Variants in TAFA1 observed in about 807,000 individuals in gnomAD.
TAFA1 encodes chemokine-like protein TAFA-1.
A neutral mutation model predicts 18.5 loss-of-function variants in TAFA1; 4 were observed. The ratio of observed to expected loss-of-function variants is 0.22; its 90% CI spans 0.11 to 0.49. The LOEUF is 0.49. Among genes scored for constraint, TAFA1 ranks in the 20% least tolerant of loss-of-function variants. TAFA1 has a pLI of 0.98. For synonymous variants in TAFA1, 56 were observed against 55.2 expected, an observed-to-expected ratio of 1.01 and a Z score of -0.06; for missense variants, 147 against 169.0, an observed-to-expected ratio of 0.87 and a Z score of 0.72.
At chr3:68,532,025 C>T (rs2073194927) in intron 3 of TAFA1, among the ~76,000 whole-genome samples, 1 of 152,002 alleles carries the variant, frequency 6.6e-6, no homozygotes, top group African/African-American at 2.4e-5. Flanking sequence ...TTTTCTTATG[C>T]AGGGTTGAGG....
intron 2 of TAFA1, among the ~76,000 whole-genome samples, chr3:68,126,933 G>C (rs1033843296): frequency 1.3e-5 from 2 of 152,192 alleles, no homozygotes; most frequent in Non-Finnish European, 2.9e-5. Flanking sequence ...ATCTTTTCTA[G>C]AGGAAAAGAC....
rs1266366001 is a variant in TAFA1, at chr3:68,188,520, T to TAGAG, written c.118+181777_118+181778insGAGA. On this transcript the variant is annotated intron_variant, in intron 2 of 4. Coordinates refer to ENST00000478136, the MANE Select transcript of TAFA1 (RefSeq NM_213609.4). ...GTGTATATATATTTATATATATATA[T>TAGAG]ATAGAGAGAGAGAGAGAGAGAGTAC... 8.1e-4 allele frequency among the ~76,000 whole-genome samples: 119 copies of TAGAG among 146,530 alleles called. 2 individuals carry two copies. In the East Asian group the frequency reaches 8.8e-3, roughly 11 times the overall value.
chr3:68,025,426 A>C (rs1198365351), intron 2 of TAFA1, among the ~76,000 whole-genome samples: 2 of 152,104 alleles, frequency 1.3e-5, no homozygotes. Context: ...TCTACAATCT[A>C]TATTTTTCAC....
chr3:68,224,375 G>A (rs959575999), intron 2 of TAFA1, among the ~76,000 whole-genome samples: 3 of 151,986 alleles, frequency 2.0e-5, no homozygotes, highest in Admixed American at 2.0e-4. Flanking sequence ...TAGGGCCCAG[G>A]CTCAGACAGA....
chr3:68,317,960 C>T (rs958026558), intron 2 of TAFA1, among the ~76,000 whole-genome samples: 9 of 152,138 alleles, frequency 5.9e-5, no homozygotes, highest in African/African-American at 2.2e-4. Flanking sequence ...CAACGCTTTG[C>T]AATGTGTTTG....
intron 2 of TAFA1, among the ~76,000 whole-genome samples, chr3:68,115,995 G>A (rs191149889): frequency 5.9e-5 from 9 of 152,242 alleles, no homozygotes; most frequent in Admixed American, 2.0e-4. Flanking sequence ...GGTGGCTCAC[G>A]CCTGTAATCC....
chr3:68,411,979 C>G (rs984013401), intron 2 of TAFA1, among the ~76,000 whole-genome samples: 2 of 152,054 alleles, frequency 1.3e-5, no homozygotes, highest in African/African-American at 4.8e-5. Flanking sequence ...CCACCAAGAC[C>G]TATTTCTGGG....
At chr3:68,163,184 AAT>A (rs1355504628) in intron 2 of TAFA1, among the ~76,000 whole-genome samples, 1 of 152,238 alleles carries the variant, frequency 6.6e-6, no homozygotes, top group Non-Finnish European at 1.5e-5. Flanking sequence ...TCTACATATT[AAT>A]CATCCTTTTC....
At chr3:68,316,543 G>A (rs1017872259) in intron 2 of TAFA1, among the ~76,000 whole-genome samples, 1 of 151,782 alleles carries the variant, frequency 6.6e-6, no homozygotes, top group Admixed American at 6.6e-5. Context: ...CTTTTTTCTT[G>A]GCATCTCCTT....
chr3:68,416,785 T>C (rs1458165871), intron 2 of TAFA1, among the ~76,000 whole-genome samples: 2 of 152,198 alleles, frequency 1.3e-5, no homozygotes, highest in Admixed American at 6.5e-5. Context: ...TTGGGAAATA[T>C]GTCCCGAATA....
intron 2 of TAFA1, among the ~76,000 whole-genome samples, chr3:68,306,531 T>G (rs2068425912): frequency 6.6e-6 from 1 of 152,240 alleles, no homozygotes; most frequent in Admixed American, 6.5e-5. Flanking sequence ...TGTTTAAATT[T>G]ACATGCTGTC....
At chr3:68,277,881 T>C (rs1182214195) in intron 2 of TAFA1, among the ~76,000 whole-genome samples, 2 of 152,194 alleles carry the variant, frequency 1.3e-5, no homozygotes, top group South Asian at 2.1e-4. Context: ...TCAATACATT[T>C]AGCCATAAGT....
chr3:68,348,078 A>G (rs1314220854), intron 2 of TAFA1, among the ~76,000 whole-genome samples: 2 of 151,844 alleles, frequency 1.3e-5, no homozygotes, highest in Admixed American at 6.6e-5. Flanking sequence ...TAAAGCAGAC[A>G]CTCCTCAAGG....
At chr3:68,513,605 A>G (rs2072880409) in intron 3 of TAFA1, among the ~76,000 whole-genome samples, 1 of 152,132 alleles carries the variant, frequency 6.6e-6, no homozygotes, top group Non-Finnish European at 1.5e-5. Context: ...TGATGCATTC[A>G]AATAAGTCCC....
At chr3:68,414,303 A>G (rs770796707) in intron 2 of TAFA1, among the ~76,000 whole-genome samples, 7 of 152,128 alleles carry the variant, frequency 4.6e-5, no homozygotes, top group Admixed American at 2.0e-4. Flanking sequence ...GCGAAACGCC[A>G]TATCAAAACA....
intron 2 of TAFA1, among the ~76,000 whole-genome samples, chr3:68,152,910 T>C (rs1273888759): frequency 6.6e-6 from 1 of 152,054 alleles, no homozygotes; most frequent in East Asian, 1.9e-4. Context: ...CAAACTTGAA[T>C]CTTTTCCAAA....
chr3:68,466,306 C>G (rs777224761), intron 3 of TAFA1, among the ~76,000 whole-genome samples: 4 of 152,082 alleles, frequency 2.6e-5, no homozygotes, highest in Admixed American at 6.6e-5. Flanking sequence ...TGAAATGGAG[C>G]AGAACTCCCA....
chr3:67,996,387 G>A, the TAFA1 span, among the ~76,000 whole-genome samples: 1 of 152,326 alleles, frequency 6.6e-6, no homozygotes, highest in South Asian at 2.1e-4. Context: ...GAGTGATATG[G>A]TCAGAGAAAG....
chr3:68,468,052 A>G (rs2071924474), intron 3 of TAFA1, among the ~76,000 whole-genome samples: 1 of 152,196 alleles, frequency 6.6e-6, no homozygotes, highest in South Asian at 2.1e-4. Context: ...TAGTCCTTAA[A>G]TTCTCTTAAA....
Sources: gnomAD v4.1 joint callset for allele counts (sites outside exome capture counted in the v4.1 genomes callset) on GRCh38, gnomAD v4.1.1 for gene constraint, MANE v1.5 for transcripts, NCBI Gene and HGNC (gene_info 2026-07-23, HGNC 2026-07-21) for gene names.